The following LMX1A variants were observed in gnomAD, a reference collection of about 807,000 sequenced individuals.
The protein encoded by LMX1A is LIM homeobox transcription factor 1-alpha.
Under a neutral mutation model 49.1 loss-of-function variants are expected in LMX1A, and 15 were observed. That is an observed-to-expected ratio of 0.31 (90% confidence interval 0.20 to 0.47). LMX1A has a LOEUF of 0.47. Among genes scored for constraint, LMX1A ranks in the 20% least tolerant of loss-of-function variants. LMX1A has a pLI of 1.00. For synonymous variants in LMX1A, 167 were observed against 185.7 expected (o/e 0.90, Z 0.82); for missense variants, 372 against 475.8 (o/e 0.78, Z 2.03).
At chr1:165,209,297 G>A (rs376347131) in intron 6 of LMX1A, among the ~76,000 whole-genome samples, 5 of 152,140 alleles carry the variant, frequency 3.3e-5, no homozygotes, top group Admixed American at 6.5e-5. Context: ...ATATTTGGTC[G>A]TTGACCCTGT....
chr1:165,216,657 T>C lies in LMX1A; in HGVS notation c.497-2844A>G, dbSNP rs200091711. ...ACCAGTCTGTTCAATAAAACAGTACTTGCATTGACCCTTTTACAGTCACTC... is the reference window on the plus strand; with the variant it reads ...ACCAGTCTGTTCAATAAAACAGTACCTGCATTGACCCTTTTACAGTCACTC... On this transcript the variant is annotated intron_variant, in intron 4 of 8. Transcript: ENST00000342310. Among the ~76,000 whole-genome samples the C allele has an allele frequency of 2.1e-5, 3 of 143,594 alleles. No homozygotes were observed. In the East Asian group the frequency reaches 5.8e-4, roughly 28 times the overall value. The allele number at this position is 143,594 out of a possible 152,430, so 94.2% of individuals were successfully genotyped here.
intron 3 of LMX1A, among the ~76,000 whole-genome samples, chr1:165,306,628 T>C (rs1379911809): frequency 1.3e-5 from 2 of 152,216 alleles, no homozygotes; most frequent in Non-Finnish European, 2.9e-5. Flanking sequence ...CTCAACTTGA[T>C]TGCTAGTTTG....
rs759775824 is a variant in LMX1A at position 165,203,312 on chromosome 1, A to T, written c.*568T>A. 1.3e-5 allele frequency: 2 copies of T among 152,732 alleles called. No individual in the cohort carries two copies. The highest frequency in any genetic ancestry group is 6.5e-5 in the Admixed American group (1 of 15,290). The allele number at this position is 152,732 out of a possible 1,614,324, so 9.5% of individuals were successfully genotyped here. ...GCTGACAAGTCTTGTCAAGCTAAAAATAAAGTTTATAAAAGTAAATTATCT... is the reference window on the plus strand; with the variant it reads ...GCTGACAAGTCTTGTCAAGCTAAAATTAAAGTTTATAAAAGTAAATTATCT... On this transcript the variant is annotated 3_prime_UTR_variant, in exon 9 of 9. Transcript: ENST00000342310.
intron 3 of LMX1A, among the ~76,000 whole-genome samples, chr1:165,340,531 G>A (rs1197044750): frequency 1.3e-5 from 2 of 152,152 alleles, no homozygotes; most frequent in South Asian, 2.1e-4. Flanking sequence ...ATCTCCCAAA[G>A]CTCTTTGAAT....
At chr1:165,247,048 C>CTTTTTTTTTTTTTTT (rs1204141626) in intron 4 of LMX1A, among the ~76,000 whole-genome samples, 3 of 21,422 alleles carry the variant, frequency 1.4e-4, no homozygotes, top group Non-Finnish European at 2.4e-4. Context: ...ATCAGATCAG[C>CTTTTTTTTTTTTTTT]TTTTTCTTTT....
intron 4 of LMX1A, among the ~76,000 whole-genome samples, chr1:165,245,844 C>A (rs1652833288): frequency 6.6e-6 from 1 of 151,998 alleles, no homozygotes; most frequent in Non-Finnish European, 1.5e-5. Context: ...GTTCTGCTAG[C>A]TTGTCAAAAT....
At chr1:165,321,087 G>A (rs1002660923) in intron 3 of LMX1A, among the ~76,000 whole-genome samples, 1 of 152,162 alleles carries the variant, frequency 6.6e-6, no homozygotes, top group Admixed American at 6.5e-5. Context: ...ACTGATACGT[G>A]CTACACATGG....
intron 3 of LMX1A, among the ~76,000 whole-genome samples, chr1:165,344,798 T>C (rs1656183735): frequency 6.6e-6 from 1 of 152,194 alleles, no homozygotes. Context: ...CTGCCAAGCT[T>C]GTGAAACTGC....
At chr1:165,235,163 GC>G (rs112950764) in intron 4 of LMX1A, among the ~76,000 whole-genome samples, 44,261 of 151,906 alleles carry the variant, frequency 0.29, 7,417 homozygotes, top group African/African-American at 0.47. Context: ...CGTATAGGGG[GC>G]GATGCAGTCG....
chr1:165,245,401 A>G (rs1034679764), intron 4 of LMX1A, among the ~76,000 whole-genome samples: 2 of 152,108 alleles, frequency 1.3e-5, no homozygotes. Context: ...GTTCTACCCT[A>G]CGTTGAACCA....
At chr1:165,268,507 C>G (rs185383897) in intron 3 of LMX1A, among the ~76,000 whole-genome samples, 113 of 152,290 alleles carry the variant, frequency 7.4e-4, no homozygotes, top group African/African-American at 2.5e-3. Flanking sequence ...TTACCAAGAT[C>G]ACTAGTAAAT....
intron 4 of LMX1A, among the ~76,000 whole-genome samples, chr1:165,240,380 T>C (rs1557860041): frequency 6.6e-6 from 1 of 152,166 alleles, no homozygotes; most frequent in Non-Finnish European, 1.5e-5. Flanking sequence ...AATGGCTAGA[T>C]TGATCTCCAA....
At chr1:165,327,012 T>G (rs1187623661) in intron 3 of LMX1A, among the ~76,000 whole-genome samples, 1 of 152,104 alleles carries the variant, frequency 6.6e-6, no homozygotes, top group Non-Finnish European at 1.5e-5. Context: ...GAAACCCTAC[T>G]ACATCCACCA....
chr1:165,351,783 C>T (rs1557893559), intron 3 of LMX1A, among the ~76,000 whole-genome samples: 1 of 152,204 alleles, frequency 6.6e-6, no homozygotes, highest in Non-Finnish European at 1.5e-5. Flanking sequence ...ACTTGCATAG[C>T]CCCAGACAAC....
chr1:165,297,201 T>C (rs1654643217), intron 3 of LMX1A, among the ~76,000 whole-genome samples: 1 of 152,222 alleles, frequency 6.6e-6, no homozygotes, highest in South Asian at 2.1e-4. Flanking sequence ...GCCCTTGTGT[T>C]CACCCAGGTG....
intron 3 of LMX1A, among the ~76,000 whole-genome samples, chr1:165,267,939 G>A (rs1653678322): frequency 6.6e-6 from 1 of 152,212 alleles, no homozygotes; most frequent in South Asian, 2.1e-4. Context: ...GAAATTGAGT[G>A]ACAGACAGAG....
rs767836051 is a variant in LMX1A at position 165,355,585 on chromosome 1, T to C, written c.-22-4A>G. The C allele has an allele frequency of 5.0e-5, 81 of 1,609,794 alleles. No individual in the cohort carries two copies. The Admixed American group carries it at 1.3e-3, about 26-fold the overall frequency. On this transcript the variant is annotated splice_region_variant and splice_polypyrimidine_tract_variant and intron_variant, in intron 1 of 8. Coordinates refer to ENST00000342310, the MANE Select transcript of LMX1A (RefSeq NM_177398.4). The surrounding 1 kb of genome is among the most constrained non-coding windows in gnomAD (Gnocchi z 4.7). ...GTTCGGGCCGGGCCGGGAGGACCTG[T>C]AGAGGAGAAGAAACGATGCGTCTGA...
intron 3 of LMX1A, 113 bp from the exon 4 acceptor site, chr1:165,249,753 A>C (rs1329158576): frequency 8.4e-6 from 6 of 712,168 alleles, no homozygotes; most frequent in East Asian, 2.7e-5. Context: ...TATGAACGTT[A>C]GAATGGAATG....
intron 4 of LMX1A, among the ~76,000 whole-genome samples, chr1:165,217,153 G>A (rs983742375): frequency 6.6e-6 from 1 of 152,146 alleles, no homozygotes; most frequent in African/African-American, 2.4e-5. Context: ...CCAACATGTA[G>A]AGCTGGTTTT....
Sources: gnomAD v4.1 joint callset for allele counts (sites outside exome capture counted in the v4.1 genomes callset) on GRCh38, gnomAD v4.1.1 for gene constraint, Gnocchi (gnomAD v3.1) non-coding constraint, MANE v1.5 for transcripts, NCBI Gene and HGNC (gene_info 2026-07-23, HGNC 2026-07-21) for gene names.